Variants in CHN2 observed in about 807,000 individuals in gnomAD.
The protein encoded by CHN2 is beta-chimaerin.
In CHN2, 35 loss-of-function variants were observed where a neutral mutation model predicts 56.3. The ratio of observed to expected loss-of-function variants is 0.62; its 90% CI spans 0.47 to 0.82. CHN2 has a LOEUF of 0.82. CHN2 is among the 40% of genes least tolerant of loss of function. The pLI is 0.00. For synonymous variants in CHN2, 210 were observed against 212.8 expected, an observed-to-expected ratio of 0.99 and a Z score of 0.12; for missense variants, 491 against 580.5, an observed-to-expected ratio of 0.85 and a Z score of 1.58.
chr7:29,351,311 A>ATTTGT lies in CHN2; in HGVS notation c.50-3294_50-3290dup, dbSNP rs55748610. ...GAGAGTTCATTCATTCATTTAATAC[A>ATTTGT]TTTGTTTTGTTTTGTTTTGTTTTGA... On this transcript the variant is annotated intron_variant, in intron 1 of 12. Coordinates refer to ENST00000222792, the MANE Select transcript of CHN2 (RefSeq NM_004067.4). Among the ~76,000 whole-genome samples the ATTTGT allele has an allele frequency of 1.1e-3, 166 of 151,546 alleles. 1 individual carries two copies. Among genetic ancestry groups the ATTTGT allele is most frequent in the Middle Eastern group, 3.4e-3 (1 of 294 alleles).
intron 1 of CHN2, among the ~76,000 whole-genome samples, chr7:29,335,079 C>T (rs1290525980): frequency 6.6e-6 from 1 of 152,156 alleles, no homozygotes; most frequent in Admixed American, 6.5e-5. Flanking sequence ...TCTAAAAAGA[C>T]ATCTAAAATC....
At chr7:29,214,625 G>A (rs1785205474) in intron 1 of CHN2, among the ~76,000 whole-genome samples, 1 of 152,108 alleles carries the variant, frequency 6.6e-6, no homozygotes, top group Non-Finnish European at 1.5e-5. Flanking sequence ...ATTGATAGGG[G>A]CTACGTTACT....
At chr7:29,469,734 T>C (rs1251533923) in intron 6 of CHN2, among the ~76,000 whole-genome samples, 1 of 152,228 alleles carries the variant, frequency 6.6e-6, no homozygotes, top group African/African-American at 2.4e-5. Context: ...ATCCTTGTTC[T>C]TGCTTTGTTT....
chr7:29,436,647 A>G (rs1783248304), intron 6 of CHN2, among the ~76,000 whole-genome samples: 1 of 152,114 alleles, frequency 6.6e-6, no homozygotes, highest in Admixed American at 6.6e-5. Context: ...ACACCCCCCA[A>G]AAAAGTATTT....
intron 6 of CHN2, among the ~76,000 whole-genome samples, chr7:29,416,475 A>G (rs1243053151): frequency 6.6e-6 from 1 of 152,220 alleles, no homozygotes; most frequent in Admixed American, 6.5e-5. Context: ...TGAGGCTGCT[A>G]ATCATGTTGG....
intron 1 of CHN2, among the ~76,000 whole-genome samples, chr7:29,199,070 G>A (rs988689919): frequency 1.3e-5 from 2 of 152,148 alleles, no homozygotes; most frequent in Non-Finnish European, 2.9e-5. Context: ...AATGGATTGA[G>A]GTATTTATTT....
chr7:29,513,026 T>C lies in CHN2; in HGVS notation c.*291T>C. On this transcript the variant is annotated 3_prime_UTR_variant, in exon 13 of 13. Coordinates refer to ENST00000222792, the MANE Select transcript of CHN2 (RefSeq NM_004067.4). ...ACATCTTTAATTTATTAAAAAACAATGTAGACCTTTAAACTTCAGTCTTAT... is the reference window on the plus strand; with the variant it reads ...ACATCTTTAATTTATTAAAAAACAACGTAGACCTTTAAACTTCAGTCTTAT... The C allele has an allele frequency of 3.9e-6, 1 of 255,936 alleles. No individual in the cohort carries two copies. The highest frequency in any genetic ancestry group is 1.3e-4 in the South Asian group (1 of 7,830). 15.9% of individuals were successfully genotyped at this position (255,936 alleles called of 1,614,324 possible). A position where few individuals can be genotyped will look rare whatever the true frequency, so the allele number is the denominator to read the frequency against.
chr7:29,442,973 G>T (rs919625134), intron 6 of CHN2, among the ~76,000 whole-genome samples: 6 of 99,964 alleles, frequency 6.0e-5, no homozygotes, highest in East Asian at 5.7e-4. Context: ...TCGCTCTGTC[G>T]CCCAGGCCAG....
chr7:29,446,544 A>G (rs541768446), intron 6 of CHN2, among the ~76,000 whole-genome samples: 7 of 152,288 alleles, frequency 4.6e-5, no homozygotes, highest in Non-Finnish European at 7.3e-5. Context: ...AGGCAGATGC[A>G]GGGAGGGAGA....
At chr7:29,475,889 G>A (rs1035466925) in intron 6 of CHN2, among the ~76,000 whole-genome samples, 2 of 152,348 alleles carry the variant, frequency 1.3e-5, no homozygotes, top group East Asian at 3.9e-4. Context: ...AGAAGAGAAT[G>A]AGCAGTGGTA....
At chr7:29,332,363 C>T (rs1008168323) in intron 1 of CHN2, among the ~76,000 whole-genome samples, 7 of 152,208 alleles carry the variant, frequency 4.6e-5, no homozygotes, top group African/African-American at 1.7e-4. Context: ...ACTCTAAATA[C>T]AGCTGCTAGC....
At chr7:29,232,807 A>G (rs759972321) in intron 1 of CHN2, among the ~76,000 whole-genome samples, 2 of 152,112 alleles carry the variant, frequency 1.3e-5, no homozygotes, top group African/African-American at 2.4e-5. Context: ...ACTGTTATTT[A>G]TACTCCCTGT....
At chr7:29,465,749 C>T (rs2128140981) in intron 6 of CHN2, among the ~76,000 whole-genome samples, 1 of 152,238 alleles carries the variant, frequency 6.6e-6, no homozygotes, top group East Asian at 1.9e-4. Flanking sequence ...ATTACAGTGC[C>T]GACTTCTTAC....
chr7:29,286,619 G>A (rs1792172805), intron 1 of CHN2, among the ~76,000 whole-genome samples: 1 of 152,274 alleles, frequency 6.6e-6, no homozygotes, highest in East Asian at 1.9e-4. Context: ...AATAAGACTT[G>A]CTTTGTAAAG....
intron 1 of CHN2, among the ~76,000 whole-genome samples, chr7:29,352,946 A>G (rs759174503): frequency 6.6e-6 from 1 of 152,236 alleles, no homozygotes; most frequent in Non-Finnish European, 1.5e-5. Flanking sequence ...TGTTTGGGTT[A>G]AAGCCTTGCT....
chr7:29,200,750 A>G (rs970595083), intron 1 of CHN2: 2 of 148,252 alleles, frequency 1.3e-5, no homozygotes, highest in Non-Finnish European at 3.0e-5. Context: ...TCTCCAAGCT[A>G]CAAACAAATG....
chr7:29,373,529 A>G (rs1056094198), intron 3 of CHN2, among the ~76,000 whole-genome samples: 3 of 152,120 alleles, frequency 2.0e-5, no homozygotes, highest in Admixed American at 1.3e-4. Flanking sequence ...TTTACCTTCC[A>G]GTGAATTGTA....
intron 1 of CHN2, among the ~76,000 whole-genome samples, chr7:29,261,270 G>C (rs760055365): frequency 3.3e-5 from 5 of 152,206 alleles, no homozygotes; most frequent in African/African-American, 1.2e-4. Flanking sequence ...AATGACCGGC[G>C]GAGGGGGTTG....
intron 1 of CHN2, among the ~76,000 whole-genome samples, chr7:29,217,952 G>A (rs1785465351): frequency 6.6e-6 from 1 of 152,048 alleles, no homozygotes; most frequent in East Asian, 1.9e-4. Context: ...TCATCCTGAT[G>A]AGCTAGCATT....
Sources: allele counts gnomAD v4.1 joint callset (sites outside exome capture counted in the v4.1 genomes callset), GRCh38; gene constraint gnomAD v4.1.1; transcripts MANE v1.5; gene names NCBI Gene and HGNC (gene_info 2026-07-23, HGNC 2026-07-21).